The following STX8 variants were observed in gnomAD, a reference collection of about 807,000 sequenced individuals.
The protein encoded by STX8 is syntaxin-8.
STX8 carries 23 observed loss-of-function variants against 37.5 expected under a neutral mutation model. The ratio of observed to expected loss-of-function variants is 0.61; its 90% CI spans 0.44 to 0.87. The LOEUF (loss-of-function observed/expected upper bound fraction) is 0.87, where lower values mean the gene tolerates loss of function less well. Ranked by LOEUF, STX8 falls within the 40% of genes least tolerant of loss-of-function variation. The probability of loss-of-function intolerance (pLI) is 0.00; values close to 1 mark genes in which losing one functional copy is unlikely to be tolerated. For synonymous variants in STX8, 115 were observed against 99.1 expected, an observed-to-expected ratio of 1.16 and a Z score of -0.95; for missense variants, 313 against 284.7, an observed-to-expected ratio of 1.10 and a Z score of -0.71.
chr17:9,350,999 C>T (rs978967803), intron 7 of STX8, among the ~76,000 whole-genome samples: 7 of 151,862 alleles, frequency 4.6e-5, no homozygotes, highest in Admixed American at 6.6e-5. Flanking sequence ...GCAGCTTCAT[C>T]GTCTATACTT....
At chr17:9,331,380 G>T (rs1276635693) in intron 7 of STX8, among the ~76,000 whole-genome samples, 1 of 151,698 alleles carries the variant, frequency 6.6e-6, no homozygotes, top group African/African-American at 2.4e-5. Context: ...TGTTTTCTGG[G>T]CTTTGCTGTG....
At chr17:9,480,068 C>G (rs1243429256) in intron 6 of STX8, among the ~76,000 whole-genome samples, 1 of 152,208 alleles carries the variant, frequency 6.6e-6, no homozygotes, top group Non-Finnish European at 1.5e-5. Flanking sequence ...TTCTAACCCT[C>G]AAACCATGCC....
intron 7 of STX8, among the ~76,000 whole-genome samples, chr17:9,286,226 G>T (rs531908183): frequency 6.6e-6 from 1 of 152,186 alleles, no homozygotes. Flanking sequence ...GTATGAAAAC[G>T]AAAGTTATTT....
At chr17:9,261,325 C>T (rs1031021573) in intron 7 of STX8, among the ~76,000 whole-genome samples, 3 of 152,214 alleles carry the variant, frequency 2.0e-5, no homozygotes, top group African/African-American at 7.2e-5. Context: ...CAGCACTGCC[C>T]TGGTAAGATT....
intron 6 of STX8, among the ~76,000 whole-genome samples, chr17:9,476,025 A>G (rs1906089552): frequency 6.6e-6 from 1 of 152,216 alleles, no homozygotes; most frequent in Non-Finnish European, 1.5e-5. Context: ...CTAAAAATAC[A>G]AAAATCAGCT....
In STX8 at chr17:9,399,487, G is replaced by T. The variant is rs1168747192; in HGVS notation, c.542-20834C>A. Among the ~76,000 whole-genome samples the T allele has an allele frequency of 2.0e-5, 3 of 152,142 alleles. No homozygotes were observed. The East Asian group carries it at 5.8e-4, about 29-fold the overall frequency. ...GCAGCTTTCTCACAACATTCAGAAAGAAATGTCGAAGAAAGAAAAAGTGGG... is the reference window on the plus strand; with the variant it reads ...GCAGCTTTCTCACAACATTCAGAAATAAATGTCGAAGAAAGAAAAAGTGGG... On this transcript the variant is annotated intron_variant, in intron 6 of 7. Transcript: ENST00000306357.
At chr17:9,412,361 C>T (rs188003506) in intron 6 of STX8, among the ~76,000 whole-genome samples, 178 of 151,904 alleles carry the variant, frequency 1.2e-3, no homozygotes, top group Admixed American at 1.7e-3. Flanking sequence ...CTCACTGCAA[C>T]CTCTGTCTCC....
Position 9,429,975 on chromosome 17 carries a change from A to C in STX8, c.542-51322T>G, listed in dbSNP as rs1165652687. On this transcript the variant is annotated intron_variant, in intron 6 of 7. Transcript: ENST00000306357. ...ATATATAATATATATATTATATATTATATAGAATATATTATATATAATATA... is the reference window on the plus strand; with the variant it reads ...ATATATAATATATATATTATATATTCTATAGAATATATTATATATAATATA... 6.6e-3 allele frequency among the ~76,000 whole-genome samples: 23 copies of C among 3,484 alleles called. 5 individuals carry two copies. Among genetic ancestry groups the C allele is most frequent in the South Asian group, 0.013 (1 of 78 alleles). The allele number at this position is 3,484 out of a possible 152,430, so 2.3% of individuals were successfully genotyped here. A position where few individuals can be genotyped will look rare whatever the true frequency, so the allele number is the denominator to read the frequency against.
chr17:9,366,303 C>T (rs1444597177), intron 7 of STX8, among the ~76,000 whole-genome samples: 1 of 152,204 alleles, frequency 6.6e-6, no homozygotes, highest in Admixed American at 6.5e-5. Flanking sequence ...ATGATCTAGG[C>T]TCACTGCAAC....
At chr17:9,284,838 TGACTTTCTAGG>T (rs919212890) in intron 7 of STX8, among the ~76,000 whole-genome samples, 3 of 152,196 alleles carry the variant, frequency 2.0e-5, no homozygotes, top group Admixed American at 2.0e-4. Context: ...GTTTCTGACT[TGACTTTCTAGG>T]GGCCGAAACA....
intron 6 of STX8, among the ~76,000 whole-genome samples, chr17:9,422,052 C>T (rs2142352633): frequency 6.6e-6 from 1 of 151,320 alleles, no homozygotes; most frequent in Admixed American, 6.5e-5. Flanking sequence ...GCCTGTGGAA[C>T]CATGACCCAA....
intron 7 of STX8, among the ~76,000 whole-genome samples, chr17:9,327,337 AAGGAGGAGG>A (rs558322003): frequency 6.8e-6 from 1 of 147,370 alleles, no homozygotes; most frequent in Non-Finnish European, 1.5e-5. Flanking sequence ...AGAGAAGGAG[AAGGAGGAGG>A]AGGAGAAGGA....
At chr17:9,298,590 T>C (rs956955980) in intron 7 of STX8, among the ~76,000 whole-genome samples, 1 of 152,096 alleles carries the variant, frequency 6.6e-6, no homozygotes, top group Non-Finnish European at 1.5e-5. Flanking sequence ...GGTGGGTAGA[T>C]CACCTGAGGT....
At chr17:9,316,630 T>C (rs1909390566) in intron 7 of STX8, among the ~76,000 whole-genome samples, 1 of 152,192 alleles carries the variant, frequency 6.6e-6, no homozygotes, top group South Asian at 2.1e-4. Context: ...GCATCTCTTA[T>C]ATCTGCCTGT....
intron 6 of STX8, among the ~76,000 whole-genome samples, chr17:9,423,717 AT>A (rs1351908333): frequency 6.6e-6 from 1 of 152,192 alleles, no homozygotes; most frequent in Admixed American, 6.5e-5. Flanking sequence ...CAATTACTTT[AT>A]TTTCTTACCC....
chr17:9,418,428 G>A (rs1597658868), intron 6 of STX8, among the ~76,000 whole-genome samples: 1 of 149,510 alleles, frequency 6.7e-6, no homozygotes, highest in Non-Finnish European at 1.5e-5. Context: ...TGCCAGCAGA[G>A]ACAATCTAAG....
intron 6 of STX8, among the ~76,000 whole-genome samples, chr17:9,399,025 G>A (rs186615996): frequency 6.4e-4 from 95 of 148,780 alleles, no homozygotes; most frequent in African/African-American, 2.2e-3. Flanking sequence ...CTCCAGCCTG[G>A]GTGACAGAGT....
intron 6 of STX8, among the ~76,000 whole-genome samples, chr17:9,475,693 T>C (rs1048508938): frequency 6.6e-6 from 1 of 152,220 alleles, no homozygotes; most frequent in Non-Finnish European, 1.5e-5. Flanking sequence ...ATAAAAGATG[T>C]CACCCCAAGA....
intron 6 of STX8, among the ~76,000 whole-genome samples, chr17:9,438,289 T>C (rs1252607991): frequency 6.8e-6 from 1 of 146,176 alleles, no homozygotes; most frequent in African/African-American, 2.5e-5. Flanking sequence ...CATTTGATCA[T>C]CTCTCCTCTA....
Sources: gnomAD v4.1 joint callset for allele counts (sites outside exome capture counted in the v4.1 genomes callset) on GRCh38, gnomAD v4.1.1 for gene constraint, MANE v1.5 for transcripts, NCBI Gene and HGNC (gene_info 2026-07-23, HGNC 2026-07-21) for gene names.